The following COPG2 variants were observed in gnomAD, a reference collection of about 807,000 sequenced individuals.
The protein encoded by COPG2 is coat protein complex I subunit gamma 2, also known as coatomer subunit gamma-2.
COPG2 carries 37 observed loss-of-function variants against 46.3 expected under a neutral mutation model. The ratio of observed to expected loss-of-function variants is 0.80; its 90% CI spans 0.61 to 1.05. The LOEUF is 1.05. Ranked by LOEUF, COPG2 falls within the 50% of genes least tolerant of loss-of-function variation. The pLI is 0.00. For synonymous variants in COPG2, 159 were observed against 129.7 expected (o/e 1.23, Z -1.53); for missense variants, 427 against 387.8 (o/e 1.10, Z -0.85).
At chr7:130,656,029 T>C (rs930712097) in intron 4 of COPG2, among the ~76,000 whole-genome samples, 2 of 152,214 alleles carry the variant, frequency 1.3e-5, no homozygotes, top group Non-Finnish European at 2.9e-5. Flanking sequence ...TCTTGCTTTA[T>C]GGCTCAATAT....
chr7:130,626,377 G>C (rs1795119265), intron 5 of COPG2, among the ~76,000 whole-genome samples: 1 of 149,938 alleles, frequency 6.7e-6, no homozygotes, highest in Admixed American at 6.7e-5. Flanking sequence ...AGCCTCCCGA[G>C]TGCCTGCCAC....
intron 20 of COPG2, among the ~76,000 whole-genome samples, chr7:130,527,440 C>T (rs1214544283): frequency 2.4e-5 from 3 of 123,858 alleles, no homozygotes; most frequent in African/African-American, 9.8e-5. Flanking sequence ...CTGTCCACAG[C>T]AGTGATTCTT....
chr7:130,550,105 A>T (rs953101056), intron 17 of COPG2, among the ~76,000 whole-genome samples: 2,555 of 152,148 alleles, frequency 0.017, 68 homozygotes, highest in African/African-American at 0.059. Flanking sequence ...CTTAAATCTA[A>T]AAGATTTAGA....
At chr7:130,580,180 G>A (rs1391644871) in intron 9 of COPG2, among the ~76,000 whole-genome samples, 1 of 152,076 alleles carries the variant, frequency 6.6e-6, no homozygotes, top group Non-Finnish European at 1.5e-5. Context: ...TAGAACTCAG[G>A]ATTAAGAAAC....
chr7:130,594,999 G>A (rs1794500127), intron 9 of COPG2, among the ~76,000 whole-genome samples: 1 of 152,158 alleles, frequency 6.6e-6, no homozygotes, highest in African/African-American at 2.4e-5. Context: ...TGACCTAGCA[G>A]TTCTGATCCT....
intron 22 of COPG2, 63 bp downstream of exon 22, chr7:130,507,622 A>C (rs1414333516): frequency 2.8e-6 from 2 of 722,794 alleles, no homozygotes; most frequent in African/African-American, 1.8e-5. Flanking sequence ...CTGGAGTAAC[A>C]AATATGCCTG....
chr7:130,602,923 C>G (rs1253002300), intron 9 of COPG2: 1 of 152,080 alleles, frequency 6.6e-6, no homozygotes, highest in Non-Finnish European at 1.5e-5. Flanking sequence ...CTAATACCAC[C>G]TTCTACACCA....
At chr7:130,621,035 T>C (rs1429470750) in intron 5 of COPG2, among the ~76,000 whole-genome samples, 3 of 152,212 alleles carry the variant, frequency 2.0e-5, no homozygotes, top group Non-Finnish European at 4.4e-5. Flanking sequence ...GAGTCCTAAA[T>C]GTAATCACAA....
chr7:130,603,949 T>A, intron 9 of COPG2: 1 of 449,568 alleles, frequency 2.2e-6, no homozygotes, highest in African/African-American at 2.0e-5. Context: ...TTATATGTAA[T>A]ATATATTGTA....
rs547074378 is a variant in COPG2, at chr7:130,637,980, C to G, written c.323+14889G>C. Among the ~76,000 whole-genome samples, 3 of 152,324 alleles carry G rather than the reference C, an allele frequency of 2.0e-5. No homozygotes were observed. The East Asian group carries it at 5.8e-4, about 29-fold the overall frequency. ...TAGTTTTCCTTCTAACAGTCAGGAC[C>G]CTCTGCTGCAGGTCTGCTGGAATTT... On this transcript the variant is annotated intron_variant, in intron 5 of 23. Transcript: ENST00000425248.
chr7:130,645,381 C>T, intron 5 of COPG2: 1 of 544,164 alleles, frequency 1.8e-6, no homozygotes, highest in Non-Finnish European at 3.7e-6. Flanking sequence ...ATCTGCCCTC[C>T]AGGACCGACT....
intron 19 of COPG2, 147 bp from the exon 20 acceptor site, chr7:130,547,992 G>C (rs1793472739): frequency 2.5e-6 from 1 of 397,096 alleles, no homozygotes; most frequent in Admixed American, 4.4e-5. Flanking sequence ...TTTGGCAACA[G>C]GGAGAGCCTT....
chr7:130,661,526 T>C (rs187714819), intron 4 of COPG2, among the ~76,000 whole-genome samples: 60 of 152,278 alleles, frequency 3.9e-4, no homozygotes, highest in African/African-American at 1.4e-3. Context: ...CTACAGGAAG[T>C]GGTTAAAAGA....
At chr7:130,637,833 A>C (rs990867499) in intron 5 of COPG2, among the ~76,000 whole-genome samples, 2 of 152,064 alleles carry the variant, frequency 1.3e-5, no homozygotes, top group African/African-American at 4.8e-5. Flanking sequence ...GCCTTTTTGC[A>C]CTGGTTTTTC....
intron 3 of COPG2, 23 bp downstream of exon 3, chr7:130,666,826 T>G (rs1427696055): frequency 1.9e-6 from 2 of 1,078,678 alleles, no homozygotes; most frequent in African/African-American, 3.1e-5. Flanking sequence ...CACACTTATC[T>G]GAGGAAAATA....
intron 20 of COPG2, among the ~76,000 whole-genome samples, chr7:130,517,441 G>A (rs1430081859): frequency 6.6e-6 from 1 of 152,176 alleles, no homozygotes; most frequent in East Asian, 1.9e-4. Context: ...GGCAGAAATG[G>A]GAATTAGTAG....
chr7:130,560,654 C>A (rs974776462), intron 12 of COPG2, among the ~76,000 whole-genome samples: 1 of 152,060 alleles, frequency 6.6e-6, no homozygotes, highest in Non-Finnish European at 1.5e-5. Context: ...CAAAAATATA[C>A]CTAAAATATA....
intron 11 of COPG2, among the ~76,000 whole-genome samples, chr7:130,562,597 C>T (rs1793736788): frequency 6.6e-6 from 1 of 152,118 alleles, no homozygotes; most frequent in Non-Finnish European, 1.5e-5. Context: ...ACATAGCCAA[C>T]AGCAACATGT....
At chr7:130,508,214 A>C (rs1799534257) in intron 21 of COPG2, 1 of 248,844 alleles carries the variant, frequency 4.0e-6, no homozygotes, top group Non-Finnish European at 7.7e-6. Flanking sequence ...TGAAGCAAAA[A>C]CAAAAAACCA....
Sources: gnomAD v4.1 joint callset for allele counts (sites outside exome capture counted in the v4.1 genomes callset) on GRCh38, gnomAD v4.1.1 for gene constraint, MANE v1.5 for transcripts, NCBI Gene and HGNC (gene_info 2026-07-23, HGNC 2026-07-21) for gene names.